Variants in MARCHF11 observed in about 807,000 individuals in gnomAD.
MARCHF11 encodes the protein E3 ubiquitin-protein ligase MARCHF11.
A neutral mutation model predicts 37.3 loss-of-function variants in MARCHF11; 29 were observed. That is an observed-to-expected ratio of 0.78 (90% CI 0.58 to 1.06). MARCHF11 has a LOEUF of 1.06. Ranked by LOEUF, MARCHF11 falls within the 50% of genes least tolerant of loss-of-function variation. MARCHF11 has a pLI of 0.00. For missense variants in MARCHF11, 482 were observed against 533.4 expected (o/e 0.90, Z 0.95); for synonymous variants, 233 against 228.0 (o/e 1.02, Z -0.20).
intron 2 of MARCHF11, among the ~76,000 whole-genome samples, chr5:16,130,571 T>C (rs1737500271): frequency 6.6e-6 from 1 of 152,150 alleles, no homozygotes; most frequent in Non-Finnish European, 1.5e-5. Context: ...ACTTCTTGGT[T>C]CTGGTAAAAA....
intron 2 of MARCHF11, among the ~76,000 whole-genome samples, chr5:16,111,917 G>T (rs1361496559): frequency 1.3e-5 from 2 of 152,170 alleles, no homozygotes; most frequent in African/African-American, 4.8e-5. Flanking sequence ...GTACAGCTTG[G>T]GCCATGGCTT....
At chr5:16,104,889 T>C (rs902887065) in intron 2 of MARCHF11, among the ~76,000 whole-genome samples, 6 of 151,672 alleles carry the variant, frequency 4.0e-5, no homozygotes, top group African/African-American at 1.5e-4. Flanking sequence ...AATTATTACA[T>C]AAGGTTATGG....
intron 2 of MARCHF11, among the ~76,000 whole-genome samples, chr5:16,169,404 T>C (rs189943438): frequency 2.0e-5 from 3 of 152,068 alleles, no homozygotes; most frequent in Non-Finnish European, 4.4e-5. Context: ...GGGACATCCA[T>C]TGTACAGGTG....
intron 3 of MARCHF11, among the ~76,000 whole-genome samples, chr5:16,085,337 C>T (rs547210731): frequency 5.3e-5 from 8 of 152,178 alleles, no homozygotes; most frequent in African/African-American, 7.2e-5. Context: ...CCCTGCATGT[C>T]GCATCCCTGC....
At position 16,179,302 on chromosome 5, in the gene MARCHF11, C is replaced by G; in HGVS notation, c.274G>C (p.Ala92Pro). The change falls in exon 1 of 4, where the codon GCC becomes CCC. Residue 92 changes from alanine to proline, a missense_variant. Coordinates refer to ENST00000332432, the MANE Select transcript of MARCHF11 (RefSeq NM_001102562.3). The part of the protein sequence containing the change: ...LPPPPLPLQP[A>P]GQEVAAAGDS... ...CCGGCCGCCGCCACTTCCTGGCCGG[C>G]GGGCTGCAGGGGCAGGGGCGGAGGC... 1.6e-6 allele frequency: 2 copies of G among 1,272,960 alleles called. No homozygotes were observed. The highest frequency in any genetic ancestry group is 4.7e-5 in the South Asian group (2 of 42,288). 78.9% of individuals were successfully genotyped at this position (1,272,960 alleles called of 1,614,324 possible). A position where few individuals can be genotyped will look rare whatever the true frequency, so the allele number is the denominator to read the frequency against.
chr5:16,075,740 G>A (rs145255846), intron 3 of MARCHF11, among the ~76,000 whole-genome samples: 1 of 152,300 alleles, frequency 6.6e-6, no homozygotes, highest in East Asian at 1.9e-4. Context: ...AGATGCCAAA[G>A]AAACTGAGAC....
intron 3 of MARCHF11, among the ~76,000 whole-genome samples, chr5:16,083,864 C>T (rs909774922): frequency 2.6e-5 from 4 of 152,128 alleles, no homozygotes; most frequent in Non-Finnish European, 2.9e-5. Context: ...AGGAGGACGA[C>T]GATGACCTAA....
intron 3 of MARCHF11, 54 bp downstream of exon 3, chr5:16,090,835 G>T: frequency 7.6e-7 from 1 of 1,320,604 alleles, no homozygotes; most frequent in Non-Finnish European, 1.0e-6. Flanking sequence ...AAACGTAATC[G>T]CTGAAAGAAA....
chr5:16,138,423 A>G (rs1457509854), intron 2 of MARCHF11, among the ~76,000 whole-genome samples: 1 of 152,230 alleles, frequency 6.6e-6, no homozygotes, highest in Non-Finnish European at 1.5e-5. Flanking sequence ...AGATTTCAGC[A>G]TATGTATGGA....
At chr5:16,115,052 A>C (rs1438429357) in intron 2 of MARCHF11, among the ~76,000 whole-genome samples, 1 of 152,124 alleles carries the variant, frequency 6.6e-6, no homozygotes, top group East Asian at 1.9e-4. Context: ...GTAAAAAAAA[A>C]ATGTCTTGCC....
chr5:16,128,566 G>A (rs953340956), intron 2 of MARCHF11, among the ~76,000 whole-genome samples: 4 of 152,186 alleles, frequency 2.6e-5, no homozygotes, highest in African/African-American at 9.6e-5. Context: ...AAGAACCAGG[G>A]AAATAGAATT....
At chr5:16,095,528 T>C (rs1215729417) in intron 2 of MARCHF11, among the ~76,000 whole-genome samples, 1 of 151,496 alleles carries the variant, frequency 6.6e-6, no homozygotes, top group Non-Finnish European at 1.5e-5. Flanking sequence ...TTCAGCTTCA[T>C]ATGACTTCTT....
intron 2 of MARCHF11, among the ~76,000 whole-genome samples, chr5:16,130,259 C>A (rs13361227): frequency 2.1e-5 from 3 of 144,080 alleles, no homozygotes; most frequent in East Asian, 2.0e-4. Context: ...CATACACACA[C>A]ACACACACAC....
At chr5:16,123,930 TG>T (rs34142693) in intron 2 of MARCHF11, among the ~76,000 whole-genome samples, 1 of 152,122 alleles carries the variant, frequency 6.6e-6, no homozygotes, top group South Asian at 2.1e-4. Context: ...TATGGATCAA[TG>T]GGATAGAACA....
chr5:16,176,275 G>A (rs569963427), intron 2 of MARCHF11, among the ~76,000 whole-genome samples: 1 of 152,164 alleles, frequency 6.6e-6, no homozygotes, highest in Admixed American at 6.5e-5. Flanking sequence ...TCTTCTCATG[G>A]AACTTTTCTC....
At chr5:16,099,264 C>A (rs1272782798) in intron 2 of MARCHF11, among the ~76,000 whole-genome samples, 1 of 152,074 alleles carries the variant, frequency 6.6e-6, no homozygotes, top group Non-Finnish European at 1.5e-5. Flanking sequence ...TGAATCAGGT[C>A]CTGTCACATC....
intron 2 of MARCHF11, among the ~76,000 whole-genome samples, chr5:16,142,689 C>CTTTTTTTTTTTTTTTT: frequency 9.1e-6 from 1 of 110,336 alleles, no homozygotes; most frequent in Non-Finnish European, 1.7e-5. Flanking sequence ...TATATTTTAT[C>CTTTTTTTTTTTTTTTT]TTTTTTTTTT....
At chr5:16,122,814 G>A (rs928054429) in intron 2 of MARCHF11, among the ~76,000 whole-genome samples, 5 of 152,130 alleles carry the variant, frequency 3.3e-5, no homozygotes, top group Admixed American at 6.5e-5. Flanking sequence ...TCAAAGGAGA[G>A]GGCCACAGAG....
intron 2 of MARCHF11, among the ~76,000 whole-genome samples, chr5:16,109,779 ATCTGATGCTGAC>A (rs1737106900): frequency 1.3e-5 from 2 of 152,236 alleles, no homozygotes; most frequent in East Asian, 3.9e-4. Flanking sequence ...AACCTGTAGA[ATCTGATGCTGAC>A]TCCAGGTCAA....
Sources: allele counts gnomAD v4.1 joint callset (sites outside exome capture counted in the v4.1 genomes callset), GRCh38; gene constraint gnomAD v4.1.1; transcripts MANE v1.5; gene names NCBI Gene and HGNC (gene_info 2026-07-23, HGNC 2026-07-21).